LIN9: variants seen among roughly 807,000 people sequenced by gnomAD.
The protein encoded by LIN9 is protein lin-9 homolog.
Under a neutral mutation model 78.0 loss-of-function variants are expected in LIN9, and 18 were observed. That is an observed-to-expected ratio of 0.23 (90% CI 0.16 to 0.34). The LOEUF (loss-of-function observed/expected upper bound fraction) is 0.34, where lower values mean the gene tolerates loss of function less well. LIN9 is among the 10% of genes least tolerant of loss of function. The pLI, the probability that LIN9 is intolerant of heterozygous loss-of-function variation, is 1.00. For missense variants in LIN9, 451 were observed against 644.1 expected (o/e 0.70, Z 3.25); for synonymous variants, 192 against 215.2 (o/e 0.89, Z 0.94).
intron 10 of LIN9, among the ~76,000 whole-genome samples, chr1:226,259,866 A>C (rs2102892486): frequency 6.6e-6 from 1 of 151,958 alleles, no homozygotes; most frequent in South Asian, 2.1e-4. Context: ...AGGAAACTAA[A>C]AAAAAAAAAT....
chr1:226,233,593 C>T, intron 12 of LIN9, 70 bp from the exon 13 acceptor site: 2 of 1,176,662 alleles, frequency 1.7e-6, no homozygotes, highest in Non-Finnish European at 2.3e-6. Context: ...TGTGTTTGTG[C>T]CCTCTTTTCA....
Position 226,285,200 on chromosome 1 carries a change from C to A in LIN9, c.524+1133G>T, listed in dbSNP as rs560922302. On this transcript the variant is annotated intron_variant, in intron 6 of 14. Coordinates refer to ENST00000681046, the MANE Select transcript of LIN9 (RefSeq NM_001366245.2). ...GTGACCAATATCCCACTCTGATGGA[C>A]AATAATTAGAAACAGTGTAACTCAA... is the stretch of plus-strand genomic sequence containing the variant. Among the ~76,000 whole-genome samples, 3 of 152,070 alleles carry A rather than the reference C, an allele frequency of 2.0e-5. No homozygotes were observed. In the South Asian group the frequency reaches 6.2e-4, roughly 32 times the overall value.
At chr1:226,292,198 T>C (rs1661834767) in intron 4 of LIN9, among the ~76,000 whole-genome samples, 1 of 152,162 alleles carries the variant, frequency 6.6e-6, no homozygotes, top group Admixed American at 6.6e-5. Context: ...TCTCACTCTG[T>C]CACCCAGGCT....
chr1:226,250,814 A>G, intron 11 of LIN9, 25 bp downstream of exon 11: 1 of 1,215,146 alleles, frequency 8.2e-7, no homozygotes, highest in Non-Finnish European at 1.2e-6. Flanking sequence ...CAAGCAAATG[A>G]AGAAAAAAAA....
rs1385677933 is a variant in LIN9, at chr1:226,309,091, C to T, written c.31+18G>A. The stretch of plus-strand genomic sequence containing the variant: ...CAGCAGGCGGGAAAAGGGGGGGGTG[C>T]TTTGAGGTGCTACTCACTCTCGTCA... On this transcript the variant is annotated intron_variant, in intron 1 of 14. Coordinates refer to ENST00000681046, the MANE Select transcript of LIN9 (RefSeq NM_001366245.2). 3.8e-6 allele frequency: 5 copies of T among 1,312,314 alleles called. No individual in the cohort carries two copies. The East Asian group carries it at 8.4e-5, about 22-fold the overall frequency. The allele number at this position is 1,312,314 out of a possible 1,614,324, so 81.3% of individuals were successfully genotyped here.
intron 7 of LIN9, among the ~76,000 whole-genome samples, chr1:226,275,800 C>A (rs1281198164): frequency 6.6e-6 from 1 of 152,004 alleles, no homozygotes; most frequent in Admixed American, 6.6e-5. Context: ...GACAGAAGAT[C>A]ACTTGAGGTT....
chr1:226,266,323 G>A lies in LIN9; in HGVS notation c.826C>T (p.Pro276Ser), dbSNP rs772057723. ...IPDYEVLSNEPHETMPIAAFG... is the reference protein window; with the variant it reads ...IPDYEVLSNESHETMPIAAFG... ...GCAGCAATTGGCATTGTCTCATGAG[G>A]TTCATTACTCTGAGAAAACAGAATA... Residue 276 changes from proline to serine, a missense_variant, in exon 9 of 15, where the codon CCT becomes TCT. Pro to Ser is a moderately conservative substitution (Grantham distance 74). Coordinates refer to ENST00000681046, the MANE Select transcript of LIN9 (RefSeq NM_001366245.2). 6.3e-7 allele frequency: 1 copy of A among 1,590,584 alleles called. No homozygotes were observed. Among genetic ancestry groups the A allele is most frequent in the Non-Finnish European group, 8.6e-7 (1 of 1,166,898 alleles).
chr1:226,254,245 G>A (rs558683922), intron 10 of LIN9, among the ~76,000 whole-genome samples: 29 of 152,200 alleles, frequency 1.9e-4, no homozygotes, highest in African/African-American at 6.3e-4. Flanking sequence ...TAAAGTGCTG[G>A]GATTGTAGGT....
At chr1:226,246,942 G>C (rs1658523231) in intron 11 of LIN9, among the ~76,000 whole-genome samples, 1 of 151,524 alleles carries the variant, frequency 6.6e-6, no homozygotes, top group African/African-American at 2.4e-5. Flanking sequence ...TACTGCTTTT[G>C]TCCCATTCTT....
chr1:226,254,835 C>T (rs531575908), intron 10 of LIN9, among the ~76,000 whole-genome samples: 4 of 148,768 alleles, frequency 2.7e-5, no homozygotes, highest in African/African-American at 5.0e-5. Flanking sequence ...GGCGTGAACC[C>T]GGAAGGCGGA....
At chr1:226,306,900 T>C (rs1229645957) in intron 1 of LIN9, among the ~76,000 whole-genome samples, 6 of 152,174 alleles carry the variant, frequency 3.9e-5, no homozygotes, top group African/African-American at 1.4e-4. Context: ...TGGCACTGTA[T>C]GACAAAGAAA....
At chr1:226,281,328 G>A (rs1321755942) in intron 6 of LIN9, among the ~76,000 whole-genome samples, 1 of 152,064 alleles carries the variant, frequency 6.6e-6, no homozygotes, top group Non-Finnish European at 1.5e-5. Flanking sequence ...AAAATATAGT[G>A]AGATAGATTA....
chr1:226,272,525 C>G (rs1169867338), intron 7 of LIN9, among the ~76,000 whole-genome samples: 1 of 149,028 alleles, frequency 6.7e-6, no homozygotes, highest in East Asian at 2.0e-4. Context: ...CAGGTGCCCA[C>G]TACCATGCTT....
chr1:226,293,611 G>A (rs912001344), intron 4 of LIN9, among the ~76,000 whole-genome samples: 1 of 152,134 alleles, frequency 6.6e-6, no homozygotes, highest in Admixed American at 6.5e-5. Flanking sequence ...ACAGACTCTT[G>A]TTCTGTCACC....
At chr1:226,280,235 ATT>A (rs1487291566) in intron 6 of LIN9, among the ~76,000 whole-genome samples, 1 of 152,162 alleles carries the variant, frequency 6.6e-6, no homozygotes, top group Non-Finnish European at 1.5e-5. Flanking sequence ...CTCTATTGTC[ATT>A]TGTCTCAAAA....
At chr1:226,303,071 T>C (rs1421252948) in intron 1 of LIN9, among the ~76,000 whole-genome samples, 2 of 152,320 alleles carry the variant, frequency 1.3e-5, no homozygotes, top group East Asian at 1.9e-4. Flanking sequence ...AGTAAAGTCA[T>C]GGGGGTGAAT....
At chr1:226,300,853 C>CAAAA (rs59943345) in intron 2 of LIN9, among the ~76,000 whole-genome samples, 1 of 151,638 alleles carries the variant, frequency 6.6e-6, no homozygotes, top group Non-Finnish European at 1.5e-5. Context: ...GAGACTGTCT[C>CAAAA]AAAAACAAAC....
At chr1:226,280,676 G>A (rs1660991053) in intron 6 of LIN9, among the ~76,000 whole-genome samples, 1 of 152,162 alleles carries the variant, frequency 6.6e-6, no homozygotes, top group African/African-American at 2.4e-5. Flanking sequence ...TTGAGAGGCT[G>A]AGGCAGGAGA....
rs148355578 is a variant in LIN9 at position 226,239,828 on chromosome 1, A to G, written c.1120-732T>C. 5.9e-5 allele frequency among the ~76,000 whole-genome samples: 9 copies of G among 152,308 alleles called. No homozygotes were observed. In the East Asian group the frequency reaches 1.7e-3, roughly 29 times the overall value. ...TGCCATTTCCTTCCCTCTCTTCACA[A>G]TACTTCCAATAAATTATACTCTCCA... On this transcript the variant is annotated intron_variant, in intron 11 of 14. Transcript: ENST00000681046.
Sources: allele counts gnomAD v4.1 joint callset (sites outside exome capture counted in the v4.1 genomes callset), GRCh38; gene constraint gnomAD v4.1.1; transcripts MANE v1.5; gene names NCBI Gene and HGNC (gene_info 2026-07-23, HGNC 2026-07-21).